TGM4: variants seen among roughly 807,000 people sequenced by gnomAD.
TGM4 encodes transglutaminase 4, also known as protein-glutamine gamma-glutamyltransferase 4.
In TGM4, 61 loss-of-function variants were observed where a neutral mutation model predicts 76.3. The ratio of observed to expected loss-of-function variants is 0.80; its 90% CI spans 0.65 to 0.99. The LOEUF is 0.99. Among genes scored for constraint, TGM4 ranks in the 50% least tolerant of loss-of-function variants. The pLI, the probability that TGM4 is intolerant of heterozygous loss-of-function variation, is 0.00. For missense variants in TGM4, 794 were observed against 843.2 expected, an observed-to-expected ratio of 0.94 and a Z score of 0.72; for synonymous variants, 337 against 329.8, an observed-to-expected ratio of 1.02 and a Z score of -0.24.
chr3:44,887,654 T>C (rs376363903), intron 2 of TGM4, 35 bp from the exon 3 acceptor site: 5 of 1,593,748 alleles, frequency 3.1e-6, no homozygotes, highest in Non-Finnish European at 4.3e-6. Flanking sequence ...GGGTGGCCCA[T>C]GGCTGGGCCA....
At chr3:44,902,831 A>G (rs945499588) in intron 8 of TGM4, among the ~76,000 whole-genome samples, 6 of 152,178 alleles carry the variant, frequency 3.9e-5, no homozygotes, top group African/African-American at 1.4e-4. Flanking sequence ...CTTGCAAGCT[A>G]AAATTGACCA....
rs1411296092 is a variant in TGM4 at position 44,887,518 on chromosome 3, G to T, written c.194-171G>T. Among the ~76,000 whole-genome samples the T allele has an allele frequency of 3.9e-5, 6 of 152,174 alleles. No individual in the cohort carries two copies. The South Asian group carries it at 1.2e-3, about 32-fold the overall frequency. On this transcript the variant is annotated intron_variant, in intron 2 of 13. Coordinates refer to ENST00000296125, the MANE Select transcript of TGM4 (RefSeq NM_003241.4). ...AACAGAAAACTAAAACTGGACATGT[G>T]GGGCAGAAGGAGGCCCCTGCAGAAT...
rs1699978218 is a variant in TGM4, at chr3:44,910,030, G to A, written c.1328-60G>A. On this transcript the variant is annotated intron_variant, in intron 10 of 13. Transcript: ENST00000296125. ...ATGGTCTCCTTCTGCCACACGGGTG[G>A]TTGGGACATTTGGTCCTTGAAGGAG... The A allele has an allele frequency of 3.2e-6, 5 of 1,569,236 alleles. No individual in the cohort carries two copies. The South Asian group carries it at 6.1e-5, about 19-fold the overall frequency.
At chr3:44,903,688 C>T (rs969050588) in intron 8 of TGM4, 196 bp from the exon 9 acceptor site, 13 of 598,602 alleles carry the variant, frequency 2.2e-5, no homozygotes, top group Admixed American at 1.6e-4. Context: ...ACTCTGTGCC[C>T]TGGGAGGCTT....
At chr3:44,881,749 C>T (rs1440201279) in intron 1 of TGM4, among the ~76,000 whole-genome samples, 1 of 152,206 alleles carries the variant, frequency 6.6e-6, no homozygotes, top group Non-Finnish European at 1.5e-5. Flanking sequence ...CTTTTTAAAA[C>T]TCCAAAAGTA....
intron 9 of TGM4, among the ~76,000 whole-genome samples, chr3:44,905,140 A>G (rs1699905138): frequency 6.6e-6 from 1 of 151,988 alleles, no homozygotes; most frequent in Non-Finnish European, 1.5e-5. Flanking sequence ...GCCTGCCACC[A>G]TGCCTGACTA....
rs3804578 is a variant in TGM4 at position 44,908,031 on chromosome 3, G to T, written c.1327+831G>T. ...TGGGATGGCAGATGGTACCCATGCA[G>T]CTGGGGCTTTTCCCACCCTCCATTG... On this transcript the variant is annotated intron_variant, in intron 10 of 13. Transcript: ENST00000296125. 5.1e-4 allele frequency among the ~76,000 whole-genome samples: 78 copies of T among 152,328 alleles called. No individual in the cohort carries two copies. The East Asian group carries it at 0.013, about 25-fold the overall frequency.
At chr3:44,889,016 C>T (rs887605010) in intron 3 of TGM4, 4 of 151,610 alleles carry the variant, frequency 2.6e-5, no homozygotes, top group Non-Finnish European at 4.4e-5. Flanking sequence ...TTAATTTTCA[C>T]AATGCTCCCA....
At chr3:44,876,545 G>A (rs1699453964) in intron 1 of TGM4, 1 of 152,172 alleles carries the variant, frequency 6.6e-6, no homozygotes, top group Admixed American at 6.5e-5. Flanking sequence ...TAGGACAACT[G>A]GTTAGTATTT....
chr3:44,910,355 G>C lies in TGM4; in HGVS notation c.1593G>C (p.Gln531His), dbSNP rs771894193. ...AKLCDLNKTS[Q>H]IQGQVSEVTL... The stretch of plus-strand genomic sequence containing the variant: ...TGTGTGACCTCAATAAGACCTCGCA[G>C]ATCCAAGGTCAAGGTACCAGAACCA... The change falls in exon 11 of 14, where the codon CAG becomes CAC. Residue 531 changes from glutamine to histidine, a missense_variant. By Grantham distance (24) the Gln-to-His change is conservative. Transcript: ENST00000296125. 3.1e-6 allele frequency: 5 copies of C among 1,613,446 alleles called. No homozygotes were observed. Among genetic ancestry groups the C allele is most frequent in the Admixed American group, 1.7e-5 (1 of 59,996 alleles).
chr3:44,890,084 G>A (rs1314012000), intron 3 of TGM4, among the ~76,000 whole-genome samples: 2 of 152,116 alleles, frequency 1.3e-5, no homozygotes, highest in Non-Finnish European at 2.9e-5. Flanking sequence ...AACCATCAGA[G>A]CTCATGAGCA....
chr3:44,908,651 A>G (rs1303708564), intron 10 of TGM4, among the ~76,000 whole-genome samples: 1 of 152,022 alleles, frequency 6.6e-6, no homozygotes, highest in Non-Finnish European at 1.5e-5. Flanking sequence ...TCAACTCCAG[A>G]ATTTATATTT....
At chr3:44,908,351 T>C (rs956518023) in intron 10 of TGM4, among the ~76,000 whole-genome samples, 6 of 152,148 alleles carry the variant, frequency 3.9e-5, no homozygotes, top group Admixed American at 1.3e-4. Flanking sequence ...GCAAACTTGA[T>C]TAAAAGCAAT....
chr3:44,878,636 C>T (rs1240300142), intron 1 of TGM4, among the ~76,000 whole-genome samples: 1 of 151,948 alleles, frequency 6.6e-6, no homozygotes, highest in East Asian at 1.9e-4. Context: ...GCATGCGCCA[C>T]ATTACCCAGC....
At chr3:44,878,442 CTTTTG>C (rs199838767) in intron 1 of TGM4, among the ~76,000 whole-genome samples, 77,213 of 142,766 alleles carry the variant, frequency 0.54, 21,579 homozygotes, top group East Asian at 0.9. Context: ...GCATTTATTA[CTTTTG>C]TTTTATTATT....
At chr3:44,874,940 C>T (rs567329543) in intron 1 of TGM4, among the ~76,000 whole-genome samples, 2 of 152,336 alleles carry the variant, frequency 1.3e-5, no homozygotes, top group Admixed American at 1.3e-4. Flanking sequence ...TATCCTTTAT[C>T]CAGATTCCCT....
intron 1 of TGM4, among the ~76,000 whole-genome samples, chr3:44,878,405 G>T: frequency 6.6e-6 from 1 of 150,900 alleles, no homozygotes; most frequent in Non-Finnish European, 1.5e-5. Flanking sequence ...AGTCTGGGAT[G>T]GGAGAGAAAC....
intron 1 of TGM4, among the ~76,000 whole-genome samples, chr3:44,884,139 C>A (rs7621750): frequency 0.023 from 3,541 of 152,278 alleles, 112 homozygotes; most frequent in African/African-American, 0.078. Context: ...TTACCATGCC[C>A]TCTGCACACT....
intron 3 of TGM4, chr3:44,890,247 T>C (rs1389801091): frequency 5.0e-6 from 1 of 199,852 alleles, no homozygotes; most frequent in Non-Finnish European, 1.0e-5. Flanking sequence ...GTCAGCACCT[T>C]ATGCGTACTT....
Sources: allele counts gnomAD v4.1 joint callset (sites outside exome capture counted in the v4.1 genomes callset), GRCh38; gene constraint gnomAD v4.1.1; transcripts MANE v1.5; gene names NCBI Gene and HGNC (gene_info 2026-07-23, HGNC 2026-07-21).